The following PTCH2 variants were observed in gnomAD, a reference collection of about 807,000 sequenced individuals.
PTCH2 encodes protein patched homolog 2.
PTCH2 carries 96 observed loss-of-function variants against 117.9 expected under a neutral mutation model. That is an observed-to-expected ratio of 0.81 (90% CI 0.69 to 0.96). PTCH2 has a LOEUF of 0.96. Ranked by LOEUF, PTCH2 falls within the 50% of genes least tolerant of loss-of-function variation. The probability of loss-of-function intolerance (pLI) is 0.00; values close to 1 mark genes in which losing one functional copy is unlikely to be tolerated. For missense variants in PTCH2, 1,379 were observed against 1,562.5 expected (o/e 0.88, Z 1.98); for synonymous variants, 615 against 660.9 (o/e 0.93, Z 1.06).
chr1:44,820,695 C>G, downstream of PTCH2: 1 of 718,250 alleles, frequency 1.4e-6, no homozygotes, highest in Non-Finnish European at 2.6e-6. Context: ...GAGGCTAGAT[C>G]TCCTCGGGCC....
Position 44,830,850 on chromosome 1 carries a change from G to T in PTCH2, c.811C>A (p.Gln271Lys). The T allele has an allele frequency of 6.4e-7, 1 of 1,551,836 alleles. No homozygotes were observed. Among genetic ancestry groups the T allele is most frequent in the Non-Finnish European group, 8.8e-7 (1 of 1,142,202 alleles). The change falls in exon 6 of 22, where the codon CAG becomes AAG. Residue 271 changes from glutamine to lysine, a missense_variant and splice_region_variant. Coordinates refer to ENST00000372192, the MANE Select transcript of PTCH2 (RefSeq NM_003738.5). ...PPSAPNHHSR[Q>K]APNVAHELSG... is the part of the protein sequence containing the mutation. ...TGGCAGACCTGGTTGGAACCCACCT[G>T]CCTGCTGTGATGGTTGGGGGCACTA...
chr1:44,820,594 G>C, downstream of PTCH2: 1 of 684,202 alleles, frequency 1.5e-6, no homozygotes, highest in Non-Finnish European at 2.8e-6. Flanking sequence ...AGGGAATGGC[G>C]TATGAGAAAT....
chr1:44,832,864 C>G (rs1653520710), intron 2 of PTCH2, among the ~76,000 whole-genome samples: 1 of 152,144 alleles, frequency 6.6e-6, no homozygotes, highest in South Asian at 2.1e-4. Context: ...ACACACCTTT[C>G]TGCAAAGTGT....
chr1:44,840,930 G>C (rs1653919833), intron 2 of PTCH2, among the ~76,000 whole-genome samples: 1 of 150,930 alleles, frequency 6.6e-6, no homozygotes, highest in African/African-American at 2.4e-5. Context: ...TGGGTGTGGT[G>C]GCGCACGCCT....
In PTCH2 at chr1:44,829,638, T is replaced by C. The variant is rs1653339904; in HGVS notation, c.1059A>G (p.Gln353=). 1.2e-6 allele frequency: 2 copies of C among 1,614,076 alleles called. No individual in the cohort carries two copies. Among genetic ancestry groups the C allele is most frequent in the South Asian group, 1.1e-5 (1 of 91,092 alleles). The change falls in exon 8 of 22, where the codon CAA becomes CAG. Residue 353 remains glutamine (Q), a synonymous_variant. Transcript: ENST00000372192. ...WSEEQASTVL[Q]AWQRRFVQLA... ...CCTGCACAAAGCGCCGCTGCCAGGCTTGTAGCACTGTGCTGGCCTGCTCCT... is the reference window on the plus strand; with the variant it reads ...CCTGCACAAAGCGCCGCTGCCAGGCCTGTAGCACTGTGCTGGCCTGCTCCT...
chr1:44,829,587 A>AC (rs761512438), intron 8 of PTCH2, 27 bp downstream of exon 8: 8 of 1,613,962 alleles, frequency 5.0e-6, no homozygotes, highest in Non-Finnish European at 5.9e-6. Flanking sequence ...GCCTCAGGGC[A>AC]CCCCCCTTGT....
At position 44,829,310 on chromosome 1, in the gene PTCH2, C is replaced by A; in HGVS notation, c.1218G>T (p.Leu406=). ...GCAGCATGGTCACACAGGCATAGGCCAGCTGTGGGGGGAAAGGGCAGTCTC... is the reference window on the plus strand; with the variant it reads ...GCAGCATGGTCACACAGGCATAGGCAAGCTGTGGGGGGAAAGGGCAGTCTC... ...ARVVGGYLLM[L]AYACVTMLRW... is the part of the protein sequence containing the mutation. Residue 406 remains leucine (L), a splice_region_variant and synonymous_variant, in exon 10 of 22, where the codon CTG becomes CTT. Transcript: ENST00000372192. 2.5e-6 allele frequency: 4 copies of A among 1,613,748 alleles called. No homozygotes were observed. Among genetic ancestry groups the A allele is most frequent in the Non-Finnish European group, 3.4e-6 (4 of 1,180,006 alleles).
At chr1:44,833,184 C>T (rs567505336) in intron 2 of PTCH2, among the ~76,000 whole-genome samples, 1 of 152,232 alleles carries the variant, frequency 6.6e-6, no homozygotes, top group East Asian at 1.9e-4. Flanking sequence ...CCACAGGCTC[C>T]TGCTCTGTAA....
Position 44,831,670 on chromosome 1 carries a change from C to A in PTCH2, c.617+36G>T. On this transcript the variant is annotated intron_variant, in intron 5 of 21. Transcript: ENST00000372192. This position sits in a 1 kb window ranked among gnomAD's most constrained non-coding sequence, Gnocchi z 4.3. The stretch of plus-strand genomic sequence containing the variant: ...TCCTTTCTGCTGGGAGAGTCCCCAG[C>A]GGGAGATGAAGCAGGGCCCCAGGAG... 2 of 1,515,720 alleles carry A rather than the reference C, an allele frequency of 1.3e-6. No individual in the cohort carries two copies. Among genetic ancestry groups the A allele is most frequent in the Non-Finnish European group, 9.0e-7 (1 of 1,114,128 alleles). 93.9% of individuals were successfully genotyped at this position (1,515,720 alleles called of 1,614,324 possible).
Position 44,825,356 on chromosome 1 carries a change from T to C in PTCH2, c.3114+894A>G, listed in dbSNP as rs540126502. ...TTTCACCATGTCGGCCAGGCTGGTC[T>C]TGAACTCCTGACCTCAAGTGATGTG... On this transcript the variant is annotated intron_variant, in intron 19 of 21. Transcript: ENST00000372192. Among the ~76,000 whole-genome samples, 5 of 151,896 alleles carry C rather than the reference T, an allele frequency of 3.3e-5. No individual in the cohort carries two copies. In the South Asian group the frequency reaches 1.0e-3, roughly 32 times the overall value.
In PTCH2 at chr1:44,822,463, A is replaced by G; in HGVS notation, c.3564T>C (p.Thr1188=). Residue 1188 remains threonine (T), a synonymous_variant, in exon 22 of 22, where the codon ACT becomes ACC. Transcript: ENST00000372192. ...CCCTGGAACTGAGGTTGCCAGAGCTAGTGGCAGCAGGGGACCAAGGGGGCT... is the reference window on the plus strand; with the variant it reads ...CCCTGGAACTGAGGTTGCCAGAGCTGGTGGCAGCAGGGGACCAAGGGGGCT... ...PDEPPWSPAA[T]SSGNLSSRGP... 1 of 1,613,808 alleles carries G rather than the reference A, an allele frequency of 6.2e-7. No homozygotes were observed. The highest frequency in any genetic ancestry group is 1.1e-5 in the South Asian group (1 of 91,074).
chr1:44,832,462 C>T, intron 2 of PTCH2, 121 bp from the exon 3 acceptor site: 1 of 1,025,450 alleles, frequency 9.8e-7, no homozygotes, highest in Non-Finnish European at 1.5e-6. Flanking sequence ...AGAGAGGAGT[C>T]CCTGCCTTAT....
chr1:44,836,110 C>G (rs906483641), intron 2 of PTCH2, among the ~76,000 whole-genome samples: 20 of 152,058 alleles, frequency 1.3e-4, no homozygotes, highest in Non-Finnish European at 2.6e-4. Flanking sequence ...TTTCCGTGGC[C>G]GTCATCGGAA....
Position 44,827,559 on chromosome 1 carries a change from C to T in PTCH2, c.2214G>A (p.Glu738=). 1 of 1,614,146 alleles carries T rather than the reference C, an allele frequency of 6.2e-7. No homozygotes were observed. The highest frequency in any genetic ancestry group is 8.5e-7 in the Non-Finnish European group (1 of 1,180,028). Residue 738 remains glutamate, a synonymous_variant, in exon 15 of 22, where the codon GAG becomes GAA. Coordinates refer to ENST00000372192, the MANE Select transcript of PTCH2 (RefSeq NM_003738.5). ...AGCCACCCTGGGTCACCAGGGCCAC[C>T]TCGTACAGGGAGAAGTACCTGAGCT... The part of the protein sequence containing the change: ...SAQLRYFSLY[E]VALVTQGGFD...
In PTCH2 at chr1:44,830,715, G is replaced by C; in HGVS notation, c.813+133C>G. On this transcript the variant is annotated intron_variant, in intron 6 of 21. Transcript: ENST00000372192. ...TGGAACATTGGGGGCCTGGCACTGT[G>C]GGAGCAGGGTAATAATGGCCAGGAA... is the stretch of plus-strand genomic sequence containing the variant. 6.9e-6 allele frequency: 6 copies of C among 864,108 alleles called. No homozygotes were observed. The South Asian group carries it at 1.7e-4, about 24-fold the overall frequency. The allele number at this position is 864,108 out of a possible 1,614,324, so 53.5% of individuals were successfully genotyped here. A position where few individuals can be genotyped will look rare whatever the true frequency, so the allele number is the denominator to read the frequency against.
At chr1:44,828,274 G>C in intron 13 of PTCH2, 22 bp downstream of exon 13, 7 of 1,613,544 alleles carry the variant, frequency 4.3e-6, no homozygotes, top group Non-Finnish European at 5.9e-6. Context: ...ACGGGAGGAA[G>C]GGGCTGGGGC....
Position 44,826,281 on chromosome 1 carries a change from A to G in PTCH2, c.3083T>C (p.Ile1028Thr), listed in dbSNP as rs371907442. The change falls in exon 19 of 22, where the codon ATT (isoleucine) becomes ACT (threonine). Residue 1028 changes from isoleucine to threonine, a missense_variant. Ile to Thr is a moderately conservative substitution (Grantham distance 89). Coordinates refer to ENST00000372192, the MANE Select transcript of PTCH2 (RefSeq NM_003738.5). This position sits in a 1 kb window ranked among gnomAD's most constrained non-coding sequence, Gnocchi z 5.1. ...CACGTGGACTGTGAACTCAACGCCA[A>G]TGCCTACAGAGGCCACAAGGATCAC... ...PVVILVASVG[I>T]GVEFTVHVAL... 3.7e-6 allele frequency: 6 copies of G among 1,614,144 alleles called. No individual in the cohort carries two copies. Among genetic ancestry groups the G allele is most frequent in the South Asian group, 2.2e-5 (2 of 91,092 alleles).
At position 44,831,946 on chromosome 1, in the gene PTCH2, C is replaced by G; in HGVS notation, c.525+29G>C. 6.3e-7 allele frequency: 1 copy of G among 1,594,694 alleles called. No homozygotes were observed. The highest frequency in any genetic ancestry group is 8.6e-7 in the Non-Finnish European group (1 of 1,162,400). ...GTCCTCCCACGCTACAGAAAAAGTT[C>G]TGCCTCTACTCCCTCTCAGGACACT... is the stretch of plus-strand genomic sequence containing the variant. On this transcript the variant is annotated intron_variant, in intron 4 of 21. Coordinates refer to ENST00000372192, the MANE Select transcript of PTCH2 (RefSeq NM_003738.5). This position sits in a 1 kb window ranked among gnomAD's most constrained non-coding sequence, Gnocchi z 4.3.
In PTCH2 at chr1:44,829,771, G is replaced by A. The variant is rs1225085262; in HGVS notation, c.936-10C>T. 1 of 1,614,210 alleles carries A rather than the reference G, an allele frequency of 6.2e-7. No homozygotes were observed. Among genetic ancestry groups the A allele is most frequent in the South Asian group, 1.1e-5 (1 of 91,088 alleles). ...CTGCAGGGCCTCTGCCCTGGTGGGG[G>A]TGTGGGAGAACCAGGGGTCAGAGCT... On this transcript the variant is annotated splice_polypyrimidine_tract_variant and intron_variant, in intron 7 of 21. Coordinates refer to ENST00000372192, the MANE Select transcript of PTCH2 (RefSeq NM_003738.5).
Sources: allele counts gnomAD v4.1 joint callset (sites outside exome capture counted in the v4.1 genomes callset), GRCh38; gene constraint gnomAD v4.1.1; non-coding constraint Gnocchi (gnomAD v3.1); transcripts MANE v1.5; gene names NCBI Gene and HGNC (gene_info 2026-07-23, HGNC 2026-07-21).